The following MOCS1 variants were observed in gnomAD, a reference collection of about 807,000 sequenced individuals.
MOCS1 encodes the protein molybdenum cofactor biosynthesis protein 1.
Under a neutral mutation model 57.6 loss-of-function variants are expected in MOCS1, and 39 were observed. That is an observed-to-expected ratio of 0.68 (90% CI 0.52 to 0.88). MOCS1 has a LOEUF of 0.88. Ranked by LOEUF, MOCS1 falls within the 40% of genes least tolerant of loss-of-function variation. The pLI, the probability that MOCS1 is intolerant of heterozygous loss-of-function variation, is 0.00. For synonymous variants in MOCS1, 334 were observed against 335.7 expected, an observed-to-expected ratio of 1.00 and a Z score of 0.05; for missense variants, 795 against 831.1, an observed-to-expected ratio of 0.96 and a Z score of 0.53.
Position 39,905,703 on chromosome 6 carries a change from A to G in MOCS1, c.*654T>C. ...TTAGGGCTATGGCCCATGTGTGCAC[A>G]TCCTGTTTCAGAAGAGGGGGGCCAG... On this transcript the variant is annotated 3_prime_UTR_variant, in exon 11 of 11. Coordinates refer to ENST00000340692, the MANE Select transcript of MOCS1 (RefSeq NM_001358530.2). The G allele has an allele frequency of 2.1e-6, 1 of 471,138 alleles. No individual in the cohort carries two copies. The highest frequency in any genetic ancestry group is 4.4e-6 in the Non-Finnish European group (1 of 227,056). 29.2% of individuals were successfully genotyped at this position (471,138 alleles called of 1,614,324 possible). A position where few individuals can be genotyped will look rare whatever the true frequency, so the allele number is the denominator to read the frequency against.
rs750024969 is a variant in MOCS1, at chr6:39,906,288, G to A, written c.*69C>T. The A allele has an allele frequency of 2.0e-5, 32 of 1,581,906 alleles. No homozygotes were observed. The African/African-American group carries it at 2.1e-4, about 11-fold the overall frequency. ...GTGACTGTGATTAAAGGAACCTGAC[G>A]TCTTTCCCTCAGCCTACATTGCATC... On this transcript the variant is annotated 3_prime_UTR_variant, in exon 11 of 11. Coordinates refer to ENST00000340692, the MANE Select transcript of MOCS1 (RefSeq NM_001358530.2).
At chr6:39,920,847 T>C (rs2149412674) in intron 3 of MOCS1, among the ~76,000 whole-genome samples, 2 of 151,778 alleles carry the variant, frequency 1.3e-5, no homozygotes, top group Middle Eastern at 6.8e-3. Context: ...GGTGTGGTGG[T>C]GTGCGCCTGT....
chr6:39,916,154 T>C lies in MOCS1; in HGVS notation c.497A>G (p.Gln166Arg). 1 of 1,614,006 alleles carries C rather than the reference T, an allele frequency of 6.2e-7. No homozygotes were observed. The highest frequency in any genetic ancestry group is 8.5e-7 in the Non-Finnish European group (1 of 1,180,000). Residue 166 changes from glutamine to arginine, a missense_variant, in exon 4 of 11, where the codon CAG becomes CGG. Physicochemically the swap from Gln to Arg is conservative, Grantham distance 43. Coordinates refer to ENST00000340692, the MANE Select transcript of MOCS1 (RefSeq NM_001358530.2). Reference protein sequence around the residue: ...NGINLARLLPQLQKAGLSAIN... With the variant: ...NGINLARLLPRLQKAGLSAIN... ...GGCACTGAGACCAGCCTTCTGAAGC[T>C]GGGGCAGTAGCCGGGCCAGGTTGAT...
chr6:39,912,228 G>T (rs1341490418), intron 8 of MOCS1, 36 bp downstream of exon 8: 1 of 1,465,900 alleles, frequency 6.8e-7, no homozygotes, highest in Admixed American at 1.7e-5. Context: ...GAACACAGAG[G>T]TGGCAAGGGG....
chr6:39,905,164 C>T lies in MOCS1; in HGVS notation c.*1193G>A, dbSNP rs545321886. The T allele has an allele frequency of 4.8e-5, 22 of 454,258 alleles. No homozygotes were observed. Among genetic ancestry groups the T allele is most frequent in the African/African-American group, 4.0e-4 (20 of 50,100 alleles). The allele number at this position is 454,258 out of a possible 1,614,324, so 28.1% of individuals were successfully genotyped here. ...ACTCAAAGACATCCAAGTTAGAGAG[C>T]CCAGCAGGCCAGAACTGTGTGTGTT... On this transcript the variant is annotated 3_prime_UTR_variant, in exon 11 of 11. Coordinates refer to ENST00000340692, the MANE Select transcript of MOCS1 (RefSeq NM_001358530.2).
chr6:39,907,202 T>C, intron 10 of MOCS1, 85 bp from the exon 11 acceptor site: 1 of 1,377,756 alleles, frequency 7.3e-7, no homozygotes, highest in Non-Finnish European at 9.7e-7. Context: ...CCTCTCCCTA[T>C]CCCACCTCAA....
chr6:39,912,403 G>T (rs773572528), intron 7 of MOCS1, 29 bp from the exon 8 acceptor site: 2 of 1,490,838 alleles, frequency 1.3e-6, no homozygotes, highest in South Asian at 2.3e-5. Context: ...GAGCAAAAGG[G>T]CAGTGGAGGG....
Position 39,906,264 on chromosome 6 carries a change from T to C in MOCS1, c.*93A>G, listed in dbSNP as rs759840783. The C allele has an allele frequency of 2.3e-5, 35 of 1,497,018 alleles. No homozygotes were observed. The Middle Eastern group carries it at 7.0e-4, about 30-fold the overall frequency. The allele number at this position is 1,497,018 out of a possible 1,614,324, so 92.7% of individuals were successfully genotyped here. The stretch of plus-strand genomic sequence containing the variant: ...TTTACTGCTCAAGGTAAACAAACAG[T>C]GACTGTGATTAAAGGAACCTGACGT... On this transcript the variant is annotated 3_prime_UTR_variant, in exon 11 of 11. Transcript: ENST00000340692.
At chr6:39,912,449 A>C in intron 7 of MOCS1, 75 bp from the exon 8 acceptor site, 1 of 1,050,846 alleles carries the variant, frequency 9.5e-7, no homozygotes, top group Non-Finnish European at 1.5e-6. Context: ...ACTCCATGAC[A>C]TCAGAACCTC....
In MOCS1 at chr6:39,906,963, T is replaced by C. The variant is rs1422565659; in HGVS notation, c.1305A>G (p.Leu435=). 1 of 1,614,028 alleles carries C rather than the reference T, an allele frequency of 6.2e-7. No individual in the cohort carries two copies. The highest frequency in any genetic ancestry group is 8.5e-7 in the Non-Finnish European group (1 of 1,180,024). Residue 435 remains leucine, a synonymous_variant, in exon 11 of 11, where the codon CTA becomes CTG. Coordinates refer to ENST00000340692, the MANE Select transcript of MOCS1 (RefSeq NM_001358530.2). ...KGCRVPQTPP[L]AQQRLGSGSF... Reference sequence around the variant, plus strand: ...AGCCAGACCCCAGCCGCTGCTGGGCTAGAGGAGGGGTCTGGGGGACCCTGC... The same window carrying C: ...AGCCAGACCCCAGCCGCTGCTGGGCCAGAGGAGGGGTCTGGGGGACCCTGC...
rs1351451510 is a variant in MOCS1, at chr6:39,904,271, AAG to A, written c.*2084_*2085del. On this transcript the variant is annotated 3_prime_UTR_variant, in exon 11 of 11. Transcript: ENST00000340692. Reference sequence around the variant, plus strand: ...AGCTCAGCCTTCTCACTCTAAAAGAAAGATATTTTTCTATTTATTTTCTACAT... The same window carrying A: ...AGCTCAGCCTTCTCACTCTAAAAGAAATATTTTTCTATTTATTTTCTACAT... The A allele has an allele frequency of 4.4e-6, 2 of 456,632 alleles. No individual in the cohort carries two copies. The highest frequency in any genetic ancestry group is 4.0e-5 in the African/African-American group (2 of 50,092). The allele number at this position is 456,632 out of a possible 1,614,324, so 28.3% of individuals were successfully genotyped here.
At chr6:39,908,099 G>A (rs1383461378) in intron 10 of MOCS1, among the ~76,000 whole-genome samples, 1 of 152,192 alleles carries the variant, frequency 6.6e-6, no homozygotes, top group African/African-American at 2.4e-5. Context: ...GGGGTGGGAG[G>A]AGAGGAGATG....
At chr6:39,910,064 C>T (rs1220373658) in intron 8 of MOCS1, 109 bp from the exon 9 acceptor site, 1 of 1,498,714 alleles carries the variant, frequency 6.7e-7, no homozygotes, top group Non-Finnish European at 9.2e-7. Flanking sequence ...AGCACCAGGG[C>T]CCAGGCCTCC....
chr6:39,915,037 C>T (rs1767577369), intron 4 of MOCS1, among the ~76,000 whole-genome samples: 1 of 152,170 alleles, frequency 6.6e-6, no homozygotes, highest in Non-Finnish European at 1.5e-5. Context: ...ATGCATCCTC[C>T]TTGAAGCCCT....
At chr6:39,923,434 C>A (rs2149416262) in intron 3 of MOCS1, among the ~76,000 whole-genome samples, 1 of 152,352 alleles carries the variant, frequency 6.6e-6, no homozygotes, top group East Asian at 1.9e-4. Flanking sequence ...CCGGGAGAGC[C>A]CCGAGTCCTC....
chr6:39,929,939 CAAAAAAAAA>C (rs397948587), intron 1 of MOCS1, among the ~76,000 whole-genome samples: 1 of 96,738 alleles, frequency 1.0e-5, no homozygotes, highest in African/African-American at 4.1e-5. Context: ...GAGATTCTCT[CAAAAAAAAA>C]AAAAAAAAAA....
chr6:39,907,088 G>C lies in MOCS1; in HGVS notation c.1180C>G (p.Pro394Ala), dbSNP rs753694766. The C allele has an allele frequency of 1.9e-6, 3 of 1,613,216 alleles. No homozygotes were observed. Among genetic ancestry groups the C allele is most frequent in the Non-Finnish European group, 2.5e-6 (3 of 1,179,450 alleles). Residue 394 changes from proline to alanine, a missense_variant, in exon 11 of 11, where the codon CCA becomes GCA. Around this residue, in one of 3 missense-constraint regions of MOCS1, gnomAD observed 374 missense variants for 422.6 expected, o/e 0.89. Transcript: ENST00000340692. ...CAGGAGAAAATGCTTGGATTGGCTG[G>C]TGGGGAATTGGGGAACATCAAAAAT... The part of the protein sequence containing the change: ...ELFLMFPNSP[P>A]ANPSIFSWDP...
At chr6:39,932,407 A>C (rs1038079679) in intron 1 of MOCS1, 1 of 152,264 alleles carries the variant, frequency 6.6e-6, no homozygotes, top group East Asian at 1.9e-4. Context: ...GGGAAGTGAC[A>C]GCCCCAGGAG....
In MOCS1 at chr6:39,934,422, C is replaced by T; in HGVS notation, c.-5G>A. The stretch of plus-strand genomic sequence containing the variant: ...GGACAGTGGCCGCGCCGCCATGAAG[C>T]CTGATACGAGCGGAACCGCAGCCCG... On this transcript the variant is annotated 5_prime_UTR_variant, in exon 1 of 11. Coordinates refer to ENST00000340692, the MANE Select transcript of MOCS1 (RefSeq NM_001358530.2). 1.3e-6 allele frequency: 2 copies of T among 1,567,726 alleles called. No homozygotes were observed. Among genetic ancestry groups the T allele is most frequent in the Non-Finnish European group, 1.7e-6 (2 of 1,162,692 alleles).
Sources: allele counts gnomAD v4.1 joint callset (sites outside exome capture counted in the v4.1 genomes callset), GRCh38; gene constraint gnomAD v4.1.1; regional missense constraint gnomAD v4.1.1; transcripts MANE v1.5; gene names NCBI Gene and HGNC (gene_info 2026-07-23, HGNC 2026-07-21).